SKAP1: variants seen among roughly 807,000 people sequenced by gnomAD.
The protein encoded by SKAP1 is src kinase associated phosphoprotein 1.
SKAP1 carries 44 observed loss-of-function variants against 58.5 expected under a neutral mutation model. That is an observed-to-expected ratio of 0.75 (90% CI 0.59 to 0.97). SKAP1 has a LOEUF of 0.97. Among genes scored for constraint, SKAP1 ranks in the 50% least tolerant of loss-of-function variants. The pLI is 0.00. For missense variants in SKAP1, 390 were observed against 435.2 expected, an observed-to-expected ratio of 0.90 and a Z score of 0.92; for synonymous variants, 127 against 149.7, an observed-to-expected ratio of 0.85 and a Z score of 1.11.
chr17:48,414,152 G>C (rs535600842), intron 1 of SKAP1, among the ~76,000 whole-genome samples: 1 of 152,248 alleles, frequency 6.6e-6, no homozygotes, highest in East Asian at 1.9e-4. Context: ...GACTTAAATA[G>C]ACAATCAGAA....
intron 4 of SKAP1, among the ~76,000 whole-genome samples, chr17:48,288,910 A>G (rs962668005): frequency 2.0e-5 from 3 of 152,210 alleles, no homozygotes; most frequent in Non-Finnish European, 4.4e-5. Flanking sequence ...AGCTACTTGT[A>G]ATATAACATG....
intron 1 of SKAP1, among the ~76,000 whole-genome samples, chr17:48,408,424 A>T (rs1567903716): frequency 6.6e-6 from 1 of 152,170 alleles, no homozygotes; most frequent in African/African-American, 2.4e-5. Context: ...TTCTATATAA[A>T]CTATCCCAGA....
intron 9 of SKAP1, among the ~76,000 whole-genome samples, chr17:48,174,963 T>C (rs1243721565): frequency 6.6e-6 from 1 of 152,234 alleles, no homozygotes. Context: ...CTGTTAACTG[T>C]GTGAACATGT....
intron 4 of SKAP1, among the ~76,000 whole-genome samples, chr17:48,311,187 C>T (rs182634339): frequency 1.3e-5 from 2 of 152,278 alleles, no homozygotes; most frequent in Admixed American, 6.5e-5. Context: ...TCACCCAACT[C>T]ACTGCAAACG....
chr17:48,409,398 C>T (rs1194357670), intron 1 of SKAP1, among the ~76,000 whole-genome samples: 2 of 152,224 alleles, frequency 1.3e-5, no homozygotes, highest in East Asian at 3.8e-4. Flanking sequence ...GGTATGGTGG[C>T]TCACGCCTAC....
intron 1 of SKAP1, among the ~76,000 whole-genome samples, chr17:48,408,212 A>G (rs1195496573): frequency 6.6e-6 from 1 of 152,208 alleles, no homozygotes; most frequent in Non-Finnish European, 1.5e-5. Flanking sequence ...AACACCAGGC[A>G]AATAAATTTG....
intron 7 of SKAP1, 23 bp from the exon 8 acceptor site, chr17:48,182,480 AT>A (rs1377015486): frequency 6.5e-7 from 1 of 1,544,882 alleles, no homozygotes. Context: ...CAGTGAATTA[AT>A]TTATCACTGT....
chr17:48,205,027 C>CTT (rs554995970), intron 4 of SKAP1, among the ~76,000 whole-genome samples: 122 of 56,156 alleles, frequency 2.2e-3, no homozygotes, highest in East Asian at 4.9e-3. Context: ...TTCTTTCTTT[C>CTT]TTTCTTTCTT....
chr17:48,224,625 C>A (rs911744758), intron 4 of SKAP1, among the ~76,000 whole-genome samples: 1 of 152,160 alleles, frequency 6.6e-6, no homozygotes, highest in South Asian at 2.1e-4. Context: ...TGGTATCATA[C>A]CTATGCCTAG....
chr17:48,306,738 T>C (rs1297489138), intron 4 of SKAP1, among the ~76,000 whole-genome samples: 1 of 152,164 alleles, frequency 6.6e-6, no homozygotes, highest in African/African-American at 2.4e-5. Context: ...AATAACACCT[T>C]TAGACTACCA....
intron 4 of SKAP1, among the ~76,000 whole-genome samples, chr17:48,291,838 T>C (rs973331910): frequency 3.3e-5 from 5 of 152,206 alleles, no homozygotes; most frequent in African/African-American, 1.2e-4. Context: ...CCCTTTGTAA[T>C]TCAGTTGAAC....
At chr17:48,433,957 C>A (rs1265216844), upstream of SKAP1, among the ~76,000 whole-genome samples, 1 of 152,204 alleles carries the variant, frequency 6.6e-6, no homozygotes, top group Non-Finnish European at 1.5e-5. Context: ...GCAGTGGGAA[C>A]ACAACTGCAA....
chr17:48,193,442 T>C (rs2064577952), intron 4 of SKAP1, among the ~76,000 whole-genome samples: 1 of 152,168 alleles, frequency 6.6e-6, no homozygotes, highest in South Asian at 2.1e-4. Flanking sequence ...ATAGGCTCAG[T>C]TTAGAATGTC....
At chr17:48,406,754 C>T (rs1029044991) in intron 1 of SKAP1, among the ~76,000 whole-genome samples, 1 of 151,942 alleles carries the variant, frequency 6.6e-6, no homozygotes, top group Admixed American at 6.6e-5. Context: ...TTAGTAGAGA[C>T]GAGGTTTCCC....
intron 2 of SKAP1, among the ~76,000 whole-genome samples, chr17:48,366,579 A>T (rs1192491588): frequency 1.3e-5 from 2 of 152,164 alleles, no homozygotes; most frequent in African/African-American, 4.8e-5. Flanking sequence ...TGAAACTTAA[A>T]TACATTGTGA....
At chr17:48,368,563 T>C (rs895872844) in intron 2 of SKAP1, among the ~76,000 whole-genome samples, 25 of 152,316 alleles carry the variant, frequency 1.6e-4, no homozygotes, top group East Asian at 1.5e-3. Flanking sequence ...TCTTTAATCT[T>C]CTCTTTGAAG....
At chr17:48,172,013 T>C (rs2064225396) in intron 9 of SKAP1, among the ~76,000 whole-genome samples, 1 of 152,152 alleles carries the variant, frequency 6.6e-6, no homozygotes, top group African/African-American at 2.4e-5. Flanking sequence ...TGAGCCGAGA[T>C]TGTGCCACTG....
chr17:48,230,534 C>A (rs1304079968), intron 4 of SKAP1, among the ~76,000 whole-genome samples: 4 of 152,194 alleles, frequency 2.6e-5, no homozygotes, highest in African/African-American at 9.6e-5. Context: ...GTGGGCAGAT[C>A]GCTTGAGGCC....
At chr17:48,326,872 A>G (rs2066443839) in intron 4 of SKAP1, among the ~76,000 whole-genome samples, 1 of 151,662 alleles carries the variant, frequency 6.6e-6, no homozygotes, top group Non-Finnish European at 1.5e-5. Flanking sequence ...GGTGTGTGAC[A>G]AGAAATTTCT....
Sources: allele counts gnomAD v4.1 joint callset (sites outside exome capture counted in the v4.1 genomes callset), GRCh38; gene constraint gnomAD v4.1.1; transcripts MANE v1.5; gene names NCBI Gene and HGNC (gene_info 2026-07-23, HGNC 2026-07-21).